Variants in XKR4 observed in about 807,000 individuals in gnomAD.
The protein encoded by XKR4 is XK-related protein 4.
A neutral mutation model predicts 53.9 loss-of-function variants in XKR4; 12 were observed. The ratio of observed to expected loss-of-function variants is 0.22; its 90% CI spans 0.14 to 0.36. The LOEUF (loss-of-function observed/expected upper bound fraction) is 0.36. XKR4 is among the 10% of genes least tolerant of loss of function. XKR4 has a pLI of 1.00. For missense variants in XKR4, 799 were observed against 859.5 expected (o/e 0.93, Z 0.88); for synonymous variants, 354 against 362.4 (o/e 0.98, Z 0.26).
intron 2 of XKR4, among the ~76,000 whole-genome samples, chr8:55,433,872 A>G (rs1180195349): frequency 6.6e-6 from 1 of 152,130 alleles, no homozygotes; most frequent in Non-Finnish European, 1.5e-5. Context: ...CAAAAAATTA[A>G]AATAAAAAAC....
intron 1 of XKR4, among the ~76,000 whole-genome samples, chr8:55,253,376 G>A (rs1818387245): frequency 6.6e-6 from 1 of 152,192 alleles, no homozygotes; most frequent in Non-Finnish European, 1.5e-5. Flanking sequence ...CTACATAGAT[G>A]GCAGGGAAGC....
intron 1 of XKR4, among the ~76,000 whole-genome samples, chr8:55,306,869 C>A (rs1036268172): frequency 6.6e-6 from 1 of 151,720 alleles, no homozygotes; most frequent in Non-Finnish European, 1.5e-5. Context: ...AGATGGATTT[C>A]CATATGCAAA....
chr8:55,506,193 C>G (rs1213575690), intron 2 of XKR4, among the ~76,000 whole-genome samples: 1 of 152,206 alleles, frequency 6.6e-6, no homozygotes, highest in Non-Finnish European at 1.5e-5. Context: ...AATTAAACAA[C>G]AGGTGTTTTC....
At chr8:55,217,476 G>GTGAATTGGT (rs1443870836) in intron 1 of XKR4, among the ~76,000 whole-genome samples, 3 of 152,284 alleles carry the variant, frequency 2.0e-5, no homozygotes, top group South Asian at 2.1e-4. Flanking sequence ...CAGTAAGAGT[G>GTGAATTGGT]TGAATTGGTA....
At chr8:55,167,799 A>T (rs1817090275) in intron 1 of XKR4, among the ~76,000 whole-genome samples, 1 of 152,206 alleles carries the variant, frequency 6.6e-6, no homozygotes, top group Non-Finnish European at 1.5e-5. Context: ...AAGAGGTGCA[A>T]TGATTGAGCT....
intron 2 of XKR4, among the ~76,000 whole-genome samples, chr8:55,495,877 C>T (rs774639149): frequency 6.6e-6 from 1 of 152,224 alleles, no homozygotes; most frequent in Non-Finnish European, 1.5e-5. Context: ...CCTGCAGCTG[C>T]CATCACATTC....
rs1807036189 is a variant in XKR4, at chr8:55,536,643, G to A, written c.*12416G>A. ...GGAATTGAACTTTCTTGCGCCGTAA[G>A]CAATTGCTGGTCATATTCTGCTGCT... is the stretch of plus-strand genomic sequence containing the variant. On this transcript the variant is annotated 3_prime_UTR_variant, in exon 3 of 3. Coordinates refer to ENST00000327381, the MANE Select transcript of XKR4 (RefSeq NM_052898.2). 2 of 152,236 alleles carry A rather than the reference G, an allele frequency of 1.3e-5. No homozygotes were observed. Among genetic ancestry groups the A allele is most frequent in the South Asian group, 4.1e-4 (2 of 4,834 alleles). The allele number at this position is 152,236 out of a possible 1,614,324, so 9.4% of individuals were successfully genotyped here. A position where few individuals can be genotyped will look rare whatever the true frequency, so the allele number is the denominator to read the frequency against.
chr8:55,462,303 G>C (rs1307746416), intron 2 of XKR4, among the ~76,000 whole-genome samples: 2 of 152,216 alleles, frequency 1.3e-5, no homozygotes, highest in Admixed American at 6.5e-5. Context: ...AACCAGAAGA[G>C]AGTGGGGGCC....
intron 1 of XKR4, among the ~76,000 whole-genome samples, chr8:55,193,265 T>C (rs1211181279): frequency 1.3e-5 from 2 of 152,136 alleles, no homozygotes; most frequent in Non-Finnish European, 1.5e-5. Context: ...AGATGTTTTT[T>C]CTGTTTCTAC....
Position 55,524,278 on chromosome 8 carries a change from G to C in XKR4, c.*51G>C. On this transcript the variant is annotated 3_prime_UTR_variant, in exon 3 of 3. Transcript: ENST00000327381. ...ACATCCAGATGAAGGGGTGACAGCA[G>C]GGCTGTGGCCATAATGACACTTCAT... 6.5e-7 allele frequency: 1 copy of C among 1,536,590 alleles called. No individual in the cohort carries two copies. Among genetic ancestry groups the C allele is most frequent in the Non-Finnish European group, 8.9e-7 (1 of 1,128,240 alleles).
chr8:55,138,925 G>C lies in XKR4; in HGVS notation c.806+35631G>C, dbSNP rs1166984147. On this transcript the variant is annotated intron_variant, in intron 1 of 2. Coordinates refer to ENST00000327381, the MANE Select transcript of XKR4 (RefSeq NM_052898.2). Reference sequence around the variant, plus strand: ...CTGTCTAATTAAGTCCTAGAAGAGAGTGGAGGGATCAAGGTTGAGAACACA... The same window carrying C: ...CTGTCTAATTAAGTCCTAGAAGAGACTGGAGGGATCAAGGTTGAGAACACA... 3.9e-5 allele frequency among the ~76,000 whole-genome samples: 6 copies of C among 152,360 alleles called. No individual in the cohort carries two copies. The East Asian group carries it at 1.2e-3, about 29-fold the overall frequency.
intron 2 of XKR4, among the ~76,000 whole-genome samples, chr8:55,392,419 T>C (rs1455477212): frequency 6.6e-6 from 1 of 152,214 alleles, no homozygotes; most frequent in Non-Finnish European, 1.5e-5. Flanking sequence ...TGAGACAATG[T>C]TTTTTAAAAA....
intron 2 of XKR4, among the ~76,000 whole-genome samples, chr8:55,368,402 G>A (rs1043684332): frequency 1.3e-5 from 2 of 152,158 alleles, no homozygotes; most frequent in African/African-American, 2.4e-5. Flanking sequence ...CCACTGGCTC[G>A]TGTGAGTCCT....
chr8:55,142,162 G>A (rs1394014675), intron 1 of XKR4: 1 of 456,110 alleles, frequency 2.2e-6, no homozygotes, highest in Non-Finnish European at 4.4e-6. Context: ...TGGCCTCACT[G>A]CTGCTCTCCT....
At chr8:55,117,344 C>A (rs1288991747) in intron 1 of XKR4, among the ~76,000 whole-genome samples, 3 of 152,072 alleles carry the variant, frequency 2.0e-5, no homozygotes, top group East Asian at 1.9e-4. Flanking sequence ...ATGGATTTTG[C>A]AAATAAGATT....
chr8:55,231,567 A>C (rs1160158906), intron 1 of XKR4, among the ~76,000 whole-genome samples: 1 of 152,248 alleles, frequency 6.6e-6, no homozygotes, highest in Admixed American at 6.5e-5. Context: ...CCACACAACT[A>C]AGATGGGGTT....
chr8:55,403,040 G>A (rs1261738084), intron 2 of XKR4, among the ~76,000 whole-genome samples: 1 of 152,152 alleles, frequency 6.6e-6, no homozygotes, highest in Admixed American at 6.5e-5. Flanking sequence ...GCCACAGGAG[G>A]CTTCTCAGAT....
chr8:55,357,977 C>T (rs1261730836), intron 2 of XKR4, 100 bp downstream of exon 2: 5 of 1,167,534 alleles, frequency 4.3e-6, no homozygotes, highest in Admixed American at 2.4e-5. Flanking sequence ...TTGACACAGG[C>T]CTGTGATGTG....
Position 55,119,766 on chromosome 8 carries a change from A to G in XKR4, c.806+16472A>G, listed in dbSNP as rs143679274. On this transcript the variant is annotated intron_variant, in intron 1 of 2. Coordinates refer to ENST00000327381, the MANE Select transcript of XKR4 (RefSeq NM_052898.2). ...TGTGAGTGAGGGGTGGACTTGAAAA[A>G]TCTTCTGAGCTTTAAAAGGCTCCAT... is the stretch of plus-strand genomic sequence containing the variant. Among the ~76,000 whole-genome samples, 51 of 152,298 alleles carry G rather than the reference A, an allele frequency of 3.3e-4. No homozygotes were observed. In the East Asian group the frequency reaches 6.6e-3, roughly 20 times the overall value.
Sources: gnomAD v4.1 joint callset for allele counts (sites outside exome capture counted in the v4.1 genomes callset) on GRCh38, gnomAD v4.1.1 for gene constraint, MANE v1.5 for transcripts, NCBI Gene and HGNC (gene_info 2026-07-23, HGNC 2026-07-21) for gene names.